Variants in TRIM44 observed in about 807,000 individuals in gnomAD.
The protein encoded by TRIM44 is tripartite motif containing 44, also known as tripartite motif-containing protein 44.
A neutral mutation model predicts 37.4 loss-of-function variants in TRIM44; 13 were observed. The observed-to-expected ratio is 0.35, with a 90% CI of 0.23 to 0.55. The LOEUF is 0.55. Ranked by LOEUF, TRIM44 falls within the 20% of genes least tolerant of loss-of-function variation. The pLI is 0.89. For missense variants in TRIM44, 426 were observed against 437.2 expected (o/e 0.97, Z 0.23); for synonymous variants, 175 against 157.2 (o/e 1.11, Z -0.85).
Position 35,809,520 on chromosome 11 carries a change from T to C in TRIM44, c.*3135T>C, listed in dbSNP as rs904254504. The C allele has an allele frequency of 2.0e-5, 3 of 152,208 alleles. No homozygotes were observed. The highest frequency in any genetic ancestry group is 7.2e-5 in the African/African-American group (3 of 41,458). The allele number at this position is 152,208 out of a possible 1,614,324, so 9.4% of individuals were successfully genotyped here. A position where few individuals can be genotyped will look rare whatever the true frequency, so the allele number is the denominator to read the frequency against. On this transcript the variant is annotated 3_prime_UTR_variant, in exon 5 of 5. Coordinates refer to ENST00000299413, the MANE Select transcript of TRIM44 (RefSeq NM_017583.6). ...GATGCTTTAAGTACACATTGCTGACTTGAGCCCACCCCCAGGAGTTAGGAG... is the reference window on the plus strand; with the variant it reads ...GATGCTTTAAGTACACATTGCTGACCTGAGCCCACCCCCAGGAGTTAGGAG...
At chr11:35,801,274 A>G (rs1004353541) in intron 4 of TRIM44, among the ~76,000 whole-genome samples, 1 of 152,220 alleles carries the variant, frequency 6.6e-6, no homozygotes, top group Non-Finnish European at 1.5e-5. Context: ...TATTAAATCT[A>G]TCTTTTTGAA....
At position 35,715,431 on chromosome 11, in the gene TRIM44, G is replaced by GTGT. The variant is rs1564972608; in HGVS notation, c.748-10493_748-10492insTGT. 7.7e-5 allele frequency among the ~76,000 whole-genome samples: 11 copies of GTGT among 143,430 alleles called. 1 individual carries two copies. The highest frequency in any genetic ancestry group is 2.2e-4 in the African/African-American group (8 of 36,660). The allele number at this position is 143,430 out of a possible 152,430, so 94.1% of individuals were successfully genotyped here. A position where few individuals can be genotyped will look rare whatever the true frequency, so the allele number is the denominator to read the frequency against. On this transcript the variant is annotated intron_variant, in intron 2 of 4. Transcript: ENST00000299413. ...GTGTGTGTGTGTGTGTGTGTGTGTG[G>GTGT]GTGTGGGTGTGGGTGTACACAAGGA...
intron 2 of TRIM44, among the ~76,000 whole-genome samples, chr11:35,697,526 A>G (rs1472977172): frequency 1.3e-5 from 2 of 150,460 alleles, no homozygotes; most frequent in Non-Finnish European, 3.0e-5. Context: ...ATATGTATAC[A>G]TGTGCCACGT....
At chr11:35,788,658 C>T (rs1853160475) in intron 4 of TRIM44, among the ~76,000 whole-genome samples, 1 of 152,178 alleles carries the variant, frequency 6.6e-6, no homozygotes. Context: ...TTCACACAAA[C>T]CAGTGGTTCT....
chr11:35,734,744 A>G (rs1275585920), intron 3 of TRIM44, among the ~76,000 whole-genome samples: 1 of 152,236 alleles, frequency 6.6e-6, no homozygotes, highest in Admixed American at 6.5e-5. Context: ...TGGAAAAATA[A>G]TGTTAACACA....
intron 4 of TRIM44, among the ~76,000 whole-genome samples, chr11:35,755,470 G>T (rs10768163): frequency 0.84 from 127,560 of 151,892 alleles, 53,819 homozygotes; most frequent in Middle Eastern, 0.86. Context: ...TTCACTCTGA[G>T]GGTAGTTTCT....
At chr11:35,765,786 CT>C (rs1401684862) in intron 4 of TRIM44, among the ~76,000 whole-genome samples, 1 of 152,200 alleles carries the variant, frequency 6.6e-6, no homozygotes, top group Non-Finnish European at 1.5e-5. Flanking sequence ...CCTGCTCTTT[CT>C]GTGCAATCTG....
At position 35,736,813 on chromosome 11, in the gene TRIM44, G is replaced by C. The variant is rs557305115; in HGVS notation, c.1007+1368G>C. Among the ~76,000 whole-genome samples the C allele has an allele frequency of 1.1e-4, 17 of 152,276 alleles. 1 individual carries two copies. The South Asian group carries it at 3.5e-3, about 32-fold the overall frequency. ...ATCTTTCAACCATTCTCAGGAACAG[G>C]CTCCTTCTTTGTTGTGGTTCTTTTC... On this transcript the variant is annotated intron_variant, in intron 4 of 4. Transcript: ENST00000299413.
intron 1 of TRIM44, among the ~76,000 whole-genome samples, chr11:35,665,518 C>T (rs370557604): frequency 3.3e-5 from 5 of 150,670 alleles, no homozygotes; most frequent in Admixed American, 6.6e-5. Context: ...TGTGAAGTAC[C>T]TAGTCAGTTC....
At chr11:35,714,893 T>A (rs1361282123) in intron 2 of TRIM44, among the ~76,000 whole-genome samples, 1 of 151,942 alleles carries the variant, frequency 6.6e-6, no homozygotes, top group Non-Finnish European at 1.5e-5. Context: ...TCACCCTTAT[T>A]CTTGGTTGTT....
At chr11:35,763,169 A>G (rs1412963947) in intron 4 of TRIM44, among the ~76,000 whole-genome samples, 1 of 152,154 alleles carries the variant, frequency 6.6e-6, no homozygotes, top group Non-Finnish European at 1.5e-5. Flanking sequence ...CAAAGGGAAA[A>G]GGGCAATAGA....
At chr11:35,751,050 A>G (rs1467254459) in intron 4 of TRIM44, among the ~76,000 whole-genome samples, 2 of 152,206 alleles carry the variant, frequency 1.3e-5, no homozygotes, top group Non-Finnish European at 2.9e-5. Context: ...AGTAATAACA[A>G]CGCAGTGGTA....
chr11:35,739,755 A>G (rs1682787780), intron 4 of TRIM44, among the ~76,000 whole-genome samples: 1 of 152,122 alleles, frequency 6.6e-6, no homozygotes, highest in South Asian at 2.1e-4. Context: ...ACACAGTCAT[A>G]TAGCTGGCAA....
chr11:35,775,996 G>C (rs1405520971), intron 4 of TRIM44, among the ~76,000 whole-genome samples: 1 of 152,206 alleles, frequency 6.6e-6, no homozygotes, highest in Non-Finnish European at 1.5e-5. Context: ...AAATGAGTTA[G>C]AGAGGATTCC....
At chr11:35,791,783 T>C (rs1853214566) in intron 4 of TRIM44, among the ~76,000 whole-genome samples, 2 of 152,182 alleles carry the variant, frequency 1.3e-5, no homozygotes, top group African/African-American at 4.8e-5. Context: ...TTAGCACTTC[T>C]TCTCTTATGG....
Position 35,792,111 on chromosome 11 carries a change from A to ACACACACACACACACACACACTCTCT in TRIM44, c.1008-14246_1008-14245insACACACACACACACACACACTCTCTC, listed in dbSNP as rs796092540. Among the ~76,000 whole-genome samples, 1,102 of 113,934 alleles carry ACACACACACACACACACACACTCTCT rather than the reference A, an allele frequency of 9.7e-3. 14 individuals carry two copies. The highest frequency in any genetic ancestry group is 0.011 in the Non-Finnish European group (623 of 54,374). The allele number at this position is 113,934 out of a possible 152,430, so 74.7% of individuals were successfully genotyped here. A position where few individuals can be genotyped will look rare whatever the true frequency, so the allele number is the denominator to read the frequency against. On this transcript the variant is annotated intron_variant, in intron 4 of 4. Transcript: ENST00000299413. Reference sequence around the variant, plus strand: ...CACACACACACACACACACACACACACTCTCTCTCATCATTCTCTATTCCA... The same window carrying ACACACACACACACACACACACTCTCT: ...CACACACACACACACACACACACACACACACACACACACACACACACTCTCTCTCTCTCTCATCATTCTCTATTCCA...
At chr11:35,713,782 A>G (rs1852007053) in intron 2 of TRIM44, among the ~76,000 whole-genome samples, 1 of 152,166 alleles carries the variant, frequency 6.6e-6, no homozygotes, top group African/African-American at 2.4e-5. Flanking sequence ...TCTACAAAGA[A>G]GAGAAAATAC....
At chr11:35,679,730 A>G (rs1851503366) in intron 1 of TRIM44, among the ~76,000 whole-genome samples, 1 of 152,222 alleles carries the variant, frequency 6.6e-6, no homozygotes, top group African/African-American at 2.4e-5. Context: ...TTTAAATGCT[A>G]GCAACTAACT....
At chr11:35,775,536 C>A (rs1285893211) in intron 4 of TRIM44, among the ~76,000 whole-genome samples, 2 of 152,162 alleles carry the variant, frequency 1.3e-5, no homozygotes, top group East Asian at 3.8e-4. Flanking sequence ...GAGGGCATCC[C>A]TGTCTTGTGC....
Sources: gnomAD v4.1 joint callset for allele counts (sites outside exome capture counted in the v4.1 genomes callset) on GRCh38, gnomAD v4.1.1 for gene constraint, MANE v1.5 for transcripts, NCBI Gene and HGNC (gene_info 2026-07-23, HGNC 2026-07-21) for gene names.